The following DYTN variants were observed in gnomAD, a reference collection of about 807,000 sequenced individuals.
DYTN encodes the protein dystrotelin.
A neutral mutation model predicts 69.6 loss-of-function variants in DYTN; 75 were observed. The ratio of observed to expected loss-of-function variants is 1.08; its 90% CI spans 0.89 to 1.31. DYTN has a LOEUF of 1.31. DYTN is among the 50% of genes most tolerant of loss of function. DYTN has a pLI of 0.00. For missense variants in DYTN, 726 were observed against 688.4 expected (o/e 1.05, Z -0.61); for synonymous variants, 252 against 249.1 (o/e 1.01, Z -0.11).
intron 1 of DYTN, among the ~76,000 whole-genome samples, chr2:206,717,211 A>T (rs959346729): frequency 6.6e-6 from 1 of 152,202 alleles, no homozygotes; most frequent in Non-Finnish European, 1.5e-5. Flanking sequence ...AATGATTGGG[A>T]AATATCTTTT....
intron 11 of DYTN, among the ~76,000 whole-genome samples, chr2:206,659,043 A>G (rs1343919044): frequency 1.4e-5 from 2 of 139,348 alleles, no homozygotes; most frequent in African/African-American, 2.7e-5. Context: ...TTCCAAATTT[A>G]TTTTTTACTG....
chr2:206,691,274 G>A (rs1699859037), intron 9 of DYTN, among the ~76,000 whole-genome samples: 1 of 152,090 alleles, frequency 6.6e-6, no homozygotes. Flanking sequence ...TTAGTCAGTT[G>A]TGGTGGCAGG....
intron 9 of DYTN, among the ~76,000 whole-genome samples, chr2:206,668,331 G>A (rs970336694): frequency 1.3e-5 from 2 of 152,214 alleles, no homozygotes; most frequent in African/African-American, 4.8e-5. Flanking sequence ...CCAGGTGAAA[G>A]AAGGTAGGAC....
intron 1 of DYTN, among the ~76,000 whole-genome samples, chr2:206,717,023 AT>A (rs1700135999): frequency 7.1e-6 from 1 of 139,888 alleles, no homozygotes; most frequent in Non-Finnish European, 1.5e-5. Context: ...TAACTTTTAC[AT>A]TTTTTTTCTG....
intron 1 of DYTN, among the ~76,000 whole-genome samples, chr2:206,712,525 T>G (rs1249801174): frequency 1.3e-5 from 2 of 151,958 alleles, no homozygotes; most frequent in African/African-American, 4.8e-5. Context: ...AAATCGAAAG[T>G]GGTTTTCAAA....
intron 10 of DYTN, among the ~76,000 whole-genome samples, chr2:206,664,025 A>T (rs1699541545): frequency 6.6e-6 from 1 of 152,194 alleles, no homozygotes; most frequent in African/African-American, 2.4e-5. Flanking sequence ...AGCATCACCA[A>T]ACAGTGCTAA....
chr2:206,655,586 A>T (rs968545310), intron 11 of DYTN, among the ~76,000 whole-genome samples: 2 of 147,496 alleles, frequency 1.4e-5, no homozygotes, highest in African/African-American at 5.0e-5. Flanking sequence ...ATTAAAAAAA[A>T]ATTTTTTTTT....
chr2:206,666,470 A>G (rs898275834), intron 9 of DYTN, among the ~76,000 whole-genome samples: 1 of 152,168 alleles, frequency 6.6e-6, no homozygotes, highest in African/African-American at 2.4e-5. Flanking sequence ...CTCACCACGC[A>G]TATTACAGAT....
At chr2:206,709,774 G>A (rs75686775) in intron 2 of DYTN, among the ~76,000 whole-genome samples, 11,418 of 152,144 alleles carry the variant, frequency 0.075, 526 homozygotes, top group Non-Finnish European at 0.089. Flanking sequence ...ATCATTTTAC[G>A]TGAAGTGATT....
intron 7 of DYTN, among the ~76,000 whole-genome samples, chr2:206,698,886 C>T (rs545504440): frequency 5.3e-5 from 8 of 152,276 alleles, no homozygotes; most frequent in African/African-American, 1.4e-4. Context: ...AGGGAGGCAG[C>T]GGAGCATCAT....
At chr2:206,690,251 G>A (rs536620013) in intron 9 of DYTN, among the ~76,000 whole-genome samples, 3 of 152,284 alleles carry the variant, frequency 2.0e-5, no homozygotes, top group East Asian at 1.9e-4. Context: ...CCAGTCCCCC[G>A]AGGTGGCAGC....
chr2:206,716,607 A>G (rs147989810), intron 1 of DYTN, among the ~76,000 whole-genome samples: 36 of 152,256 alleles, frequency 2.4e-4, no homozygotes, highest in African/African-American at 8.4e-4. Context: ...TAAGATGCCA[A>G]TGTTAGAGAA....
intron 9 of DYTN, among the ~76,000 whole-genome samples, chr2:206,678,290 A>G (rs934330185): frequency 1.6e-4 from 24 of 152,244 alleles, no homozygotes; most frequent in Non-Finnish European, 3.1e-4. Flanking sequence ...TCAAAAATTA[A>G]AACAAGGCGA....
In DYTN at chr2:206,663,230, C is replaced by T. The variant is rs776200170; in HGVS notation, c.1306G>A (p.Val436Ile). ...TGEPLPKLDEVDRSHRSHTNA... is the reference protein window; with the variant it reads ...TGEPLPKLDEIDRSHRSHTNA... ...GTGTGACTTCTGTGACTTCTGTCAA[C>T]CTCATCAAGCTTAGGAAGAGGTTCC... is the stretch of plus-strand genomic sequence containing the variant. The change falls in exon 11 of 12, where the codon GTT becomes ATT. Residue 436 changes from valine to isoleucine, a missense_variant. Val to Ile is a conservative substitution (Grantham distance 29). Coordinates refer to ENST00000452335, the MANE Select transcript of DYTN (RefSeq NM_001093730.1). 4 of 1,613,966 alleles carry T rather than the reference C, an allele frequency of 2.5e-6. No individual in the cohort carries two copies. Among genetic ancestry groups the T allele is most frequent in the Non-Finnish European group, 3.4e-6 (4 of 1,179,880 alleles).
chr2:206,693,048 A>G (rs1699881088), intron 9 of DYTN, 127 bp downstream of exon 9: 8 of 1,344,404 alleles, frequency 6.0e-6, no homozygotes, highest in Non-Finnish European at 7.8e-6. Flanking sequence ...TCTGAAGTCC[A>G]ACCCTCACCC....
chr2:206,664,719 A>G (rs1349969006), intron 10 of DYTN, among the ~76,000 whole-genome samples: 1 of 152,174 alleles, frequency 6.6e-6, no homozygotes, highest in Non-Finnish European at 1.5e-5. Context: ...GAATTTTGGA[A>G]AACTTGCATC....
chr2:206,673,990 C>T (rs1699655426), intron 9 of DYTN, among the ~76,000 whole-genome samples: 1 of 152,112 alleles, frequency 6.6e-6, no homozygotes, highest in South Asian at 2.1e-4. Flanking sequence ...TTGAGTACAC[C>T]AGCACACTAC....
At chr2:206,718,230 C>G in intron 1 of DYTN, 31 bp downstream of exon 1, 1 of 1,576,850 alleles carries the variant, frequency 6.3e-7, no homozygotes, top group Non-Finnish European at 8.6e-7. Flanking sequence ...TGTTTACAAA[C>G]TATGCTCAGA....
intron 11 of DYTN, among the ~76,000 whole-genome samples, chr2:206,660,518 G>C (rs1699500208): frequency 6.6e-6 from 1 of 152,132 alleles, no homozygotes. Context: ...AAAACAACAT[G>C]AATACGCTAA....
Sources: allele counts gnomAD v4.1 joint callset (sites outside exome capture counted in the v4.1 genomes callset), GRCh38; gene constraint gnomAD v4.1.1; transcripts MANE v1.5; gene names NCBI Gene and HGNC (gene_info 2026-07-23, HGNC 2026-07-21).